CAMK4: variants seen among roughly 807,000 people sequenced by gnomAD.
CAMK4 encodes calcium/calmodulin dependent protein kinase IV, also known as calcium/calmodulin-dependent protein kinase type IV.
Under a neutral mutation model 44.9 loss-of-function variants are expected in CAMK4, and 22 were observed. The observed-to-expected ratio is 0.49, with a 90% CI of 0.35 to 0.70. The LOEUF is 0.70. CAMK4 is among the 30% of genes least tolerant of loss of function. The pLI is 0.01. For missense variants in CAMK4, 498 were observed against 586.8 expected, an observed-to-expected ratio of 0.85 and a Z score of 1.56; for synonymous variants, 218 against 215.4, an observed-to-expected ratio of 1.01 and a Z score of -0.11.
At position 111,290,663 on chromosome 5, in the gene CAMK4, T is replaced by C. The variant is rs1193748338; in HGVS notation, c.162-53361T>C. Reference sequence around the variant, plus strand: ...CACTAAAAGGCGCTAGTGTTTCCACTGGTGTTTCCACATTTGTGAGTTGCA... The same window carrying C: ...CACTAAAAGGCGCTAGTGTTTCCACCGGTGTTTCCACATTTGTGAGTTGCA... On this transcript the variant is annotated intron_variant, in intron 1 of 10. Transcript: ENST00000282356. The surrounding 1 kb of genome is among the most constrained non-coding windows in gnomAD (Gnocchi z 4.5). 6.6e-6 allele frequency among the ~76,000 whole-genome samples: 1 copy of C among 152,170 alleles called. No individual in the cohort carries two copies. Among genetic ancestry groups the C allele is most frequent in the Non-Finnish European group, 1.5e-5 (1 of 68,032 alleles).
At chr5:111,241,126 T>C (rs1020014255) in intron 1 of CAMK4, among the ~76,000 whole-genome samples, 1 of 137,604 alleles carries the variant, frequency 7.3e-6, no homozygotes, top group African/African-American at 2.7e-5. Context: ...TAATTATGAC[T>C]TTTTTTTTTT....
At chr5:111,385,199 G>A (rs1751554725) in intron 4 of CAMK4, among the ~76,000 whole-genome samples, 1 of 152,104 alleles carries the variant, frequency 6.6e-6, no homozygotes, top group African/African-American at 2.4e-5. Flanking sequence ...TTTTGTGTTT[G>A]TTAGAGATTG....
intron 4 of CAMK4, among the ~76,000 whole-genome samples, chr5:111,382,247 A>G (rs1325083256): frequency 6.6e-6 from 1 of 152,128 alleles, no homozygotes; most frequent in Non-Finnish European, 1.5e-5. Flanking sequence ...GTCCTACTAT[A>G]TGAGTCCTAA....
chr5:111,441,583 T>C (rs552569570), intron 5 of CAMK4, among the ~76,000 whole-genome samples: 2 of 152,302 alleles, frequency 1.3e-5, no homozygotes, highest in South Asian at 4.1e-4. Context: ...TAGACTGACA[T>C]AGCAGATTTT....
chr5:111,421,140 A>C (rs1412129309), intron 5 of CAMK4, among the ~76,000 whole-genome samples: 1 of 152,226 alleles, frequency 6.6e-6, no homozygotes, highest in Non-Finnish European at 1.5e-5. Flanking sequence ...AAAACTTCAC[A>C]ATCCACGTTC....
chr5:111,258,137 T>A (rs761558173), intron 1 of CAMK4, among the ~76,000 whole-genome samples: 4 of 152,124 alleles, frequency 2.6e-5, no homozygotes, highest in Non-Finnish European at 4.4e-5. Flanking sequence ...ACCCACACAC[T>A]CTGCAGTGTA....
rs139059216 is a variant in CAMK4 at position 111,224,633 on chromosome 5, G to A, written c.150G>A (p.Ser50=). The A allele has an allele frequency of 1.5e-4, 234 of 1,609,600 alleles. No individual in the cohort carries two copies. In the African/African-American group the frequency reaches 2.9e-3, roughly 20 times the overall value. ...TGAGCGATTTCTTCGAGGTGGAGTC[G>A]GAGCTGGGACGGTAAGGCGCGGGCT... ...DALSDFFEVE[S]ELGRGATSIV... Residue 50 remains serine (S), a synonymous_variant, in exon 1 of 11, where the codon TCG becomes TCA. Transcript: ENST00000282356. This position sits in a 1 kb window ranked among gnomAD's most constrained non-coding sequence, Gnocchi z 5.7.
At chr5:111,227,329 C>G (rs924853324) in intron 1 of CAMK4, among the ~76,000 whole-genome samples, 1 of 152,186 alleles carries the variant, frequency 6.6e-6, no homozygotes, top group African/African-American at 2.4e-5. Flanking sequence ...AGCCTTTACT[C>G]TCAGCTTTGG....
At position 111,468,964 on chromosome 5, in the gene CAMK4, C is replaced by T. The variant is rs1477759477; in HGVS notation, c.626-4347C>T. On this transcript the variant is annotated intron_variant, in intron 7 of 10. Coordinates refer to ENST00000282356, the MANE Select transcript of CAMK4 (RefSeq NM_001744.6). ...CTGTACTCCAGCCTGGGTGACAGAG[C>T]GAGATTCTGTCCCAACAACAACAAC... Among the ~76,000 whole-genome samples the T allele has an allele frequency of 4.7e-5, 7 of 147,388 alleles. No homozygotes were observed. The East Asian group carries it at 1.0e-3, about 21-fold the overall frequency.
At chr5:111,465,033 A>C (rs1186709102) in intron 7 of CAMK4, among the ~76,000 whole-genome samples, 1 of 152,158 alleles carries the variant, frequency 6.6e-6, no homozygotes. Flanking sequence ...ATTGTCCCGT[A>C]TATTGAGCCA....
chr5:111,444,512 G>T (rs1335818585), intron 5 of CAMK4, among the ~76,000 whole-genome samples: 1 of 152,088 alleles, frequency 6.6e-6, no homozygotes, highest in Non-Finnish European at 1.5e-5. Flanking sequence ...ATTCCTTCCT[G>T]CAGAATCCAC....
At chr5:111,325,944 T>G (rs577792347) in intron 1 of CAMK4, among the ~76,000 whole-genome samples, 22 of 152,178 alleles carry the variant, frequency 1.4e-4, no homozygotes, top group Non-Finnish European at 2.9e-4. Flanking sequence ...ATATCAAAAT[T>G]TGTGGGATAC....
intron 1 of CAMK4, among the ~76,000 whole-genome samples, chr5:111,247,993 C>T (rs1287558158): frequency 6.6e-6 from 1 of 152,140 alleles, no homozygotes; most frequent in Non-Finnish European, 1.5e-5. Context: ...TTAACTGTTT[C>T]TCATACTTAT....
intron 1 of CAMK4, among the ~76,000 whole-genome samples, chr5:111,248,770 A>G (rs1450101831): frequency 6.6e-6 from 1 of 152,160 alleles, no homozygotes; most frequent in African/African-American, 2.4e-5. Flanking sequence ...GTAATGTCAT[A>G]TGGTCTAGAG....
In CAMK4 at chr5:111,230,962, A is replaced by G. The variant is rs376202572; in HGVS notation, c.161+6318A>G. 1.3e-4 allele frequency among the ~76,000 whole-genome samples: 20 copies of G among 152,300 alleles called. No homozygotes were observed. In the East Asian group the frequency reaches 3.1e-3, roughly 24 times the overall value. ...GAGGCAAGGAACCATGTAATTCAGGACAAAGAGGAACTTTTCATGAAGTTG... is the reference window on the plus strand; with the variant it reads ...GAGGCAAGGAACCATGTAATTCAGGGCAAAGAGGAACTTTTCATGAAGTTG... On this transcript the variant is annotated intron_variant, in intron 1 of 10. Transcript: ENST00000282356.
At chr5:111,444,652 G>A (rs1380890049) in intron 5 of CAMK4, among the ~76,000 whole-genome samples, 1 of 152,110 alleles carries the variant, frequency 6.6e-6, no homozygotes, top group Non-Finnish European at 1.5e-5. Context: ...CCAGTTATCT[G>A]TTTCCCCAAA....
intron 5 of CAMK4, among the ~76,000 whole-genome samples, chr5:111,408,499 C>G (rs964111547): frequency 6.6e-6 from 1 of 152,170 alleles, no homozygotes; most frequent in Non-Finnish European, 1.5e-5. Context: ...ACCCTTGACA[C>G]ATGGGGATTG....
intron 1 of CAMK4, among the ~76,000 whole-genome samples, chr5:111,325,158 G>A (rs988797765): frequency 6.6e-6 from 1 of 151,812 alleles, no homozygotes; most frequent in African/African-American, 2.4e-5. Flanking sequence ...CTTCATCCAT[G>A]TCCCTGCAAA....
intron 1 of CAMK4, among the ~76,000 whole-genome samples, chr5:111,312,876 T>C (rs976971579): frequency 6.6e-6 from 1 of 152,146 alleles, no homozygotes; most frequent in Admixed American, 6.6e-5. Flanking sequence ...TTTTGCAGAC[T>C]TCACGTTTTA....
Sources: allele counts gnomAD v4.1 joint callset (sites outside exome capture counted in the v4.1 genomes callset), GRCh38; gene constraint gnomAD v4.1.1; non-coding constraint Gnocchi (gnomAD v3.1); transcripts MANE v1.5; gene names NCBI Gene and HGNC (gene_info 2026-07-23, HGNC 2026-07-21).